Variants in NF2 observed in about 807,000 individuals in gnomAD.
NF2 encodes the protein NF2, moesin-ezrin-radixin like (MERLIN) tumor suppressor.
In NF2, 8 loss-of-function variants were observed where a neutral mutation model predicts 83.7. The observed-to-expected ratio is 0.10, with a 90% CI of 0.06 to 0.17. The LOEUF is 0.17. Among genes scored for constraint, NF2 ranks in the 10% least tolerant of loss-of-function variants. The probability of loss-of-function intolerance (pLI) is 1.00; values close to 1 mark genes in which losing one functional copy is unlikely to be tolerated. For missense variants in NF2, 533 were observed against 744.4 expected, an observed-to-expected ratio of 0.72 and a Z score of 3.31; for synonymous variants, 266 against 269.6, an observed-to-expected ratio of 0.99 and a Z score of 0.13.
In NF2 at chr22:29,668,458, C is replaced by G. The variant is rs1420943143; in HGVS notation, c.999+12C>G. Reference sequence around the variant, plus strand: ...AGGCTAGAAAGCAGGTGAGCACAACCTTGTTTTAACTGATGATGTCACTGT... The same window carrying G: ...AGGCTAGAAAGCAGGTGAGCACAACGTTGTTTTAACTGATGATGTCACTGT... On this transcript the variant is annotated intron_variant, in intron 10 of 15. Transcript: ENST00000338641. 6 of 1,585,630 alleles carry G rather than the reference C, an allele frequency of 3.8e-6. No individual in the cohort carries two copies. In the Middle Eastern group the frequency reaches 6.7e-4, roughly 177 times the overall value.
chr22:29,652,524 ACT>A (rs1188532065), intron 4 of NF2, among the ~76,000 whole-genome samples: 1 of 151,452 alleles, frequency 6.6e-6, no homozygotes, highest in African/African-American at 2.4e-5. Context: ...CTGCTCTCAA[ACT>A]CTCAACTTCA....
chr22:29,693,510 C>T lies in NF2; in HGVS notation c.1738-1242C>T, dbSNP rs1003516991. Among the ~76,000 whole-genome samples the T allele has an allele frequency of 2.0e-4, 30 of 152,146 alleles. 1 individual carries two copies. The highest frequency in any genetic ancestry group is 1.8e-3 in the Admixed American group (28 of 15,278). On this transcript the variant is annotated intron_variant, in intron 15 of 15. Coordinates refer to ENST00000338641, the MANE Select transcript of NF2 (RefSeq NM_000268.4). ...CTCCCTCCCCTGCCCTTTATGGAGC[C>T]GCCGATAGTACCGAGGACTCTTCAC...
chr22:29,676,437 A>G lies in NF2; in HGVS notation c.1446+1496A>G, dbSNP rs189101819. On this transcript the variant is annotated intron_variant, in intron 13 of 15. Coordinates refer to ENST00000338641, the MANE Select transcript of NF2 (RefSeq NM_000268.4). ...GTGATCTGCCTGCCTCAGCTTCCCA[A>G]AGTGCTGGGATTATAGGCATGAGCC... 3.3e-3 allele frequency among the ~76,000 whole-genome samples: 495 copies of G among 152,198 alleles called. 2 individuals are homozygous for G. The highest frequency in any genetic ancestry group is 7.3e-3 in the African/African-American group (303 of 41,512).
In NF2 at chr22:29,604,055, C is replaced by G. The variant is rs541641232; in HGVS notation, c.57C>G (p.Pro19=). 6 of 1,607,430 alleles carry G rather than the reference C, an allele frequency of 3.7e-6. No homozygotes were observed. In the East Asian group the frequency reaches 1.1e-4, roughly 30 times the overall value. ...MSFSSLKRKQ[P]KTFTVRIVTM... ...TCAGCTCTCTCAAGAGGAAGCAACCCAAGACGTTCACCGTGAGGATCGTCA... is the reference window on the plus strand; with the variant it reads ...TCAGCTCTCTCAAGAGGAAGCAACCGAAGACGTTCACCGTGAGGATCGTCA... Residue 19 remains proline, a synonymous_variant, in exon 1 of 16, where the codon CCC becomes CCG. Transcript: ENST00000338641.
chr22:29,683,236 C>G, intron 15 of NF2: 3 of 1,550,390 alleles, frequency 1.9e-6, no homozygotes, highest in Non-Finnish European at 2.6e-6. Flanking sequence ...GGCACCCACC[C>G]TGTGAAGCCA....
At chr22:29,637,255 G>C (rs933990003) in intron 2 of NF2, among the ~76,000 whole-genome samples, 7 of 152,182 alleles carry the variant, frequency 4.6e-5, no homozygotes, top group African/African-American at 1.7e-4. Flanking sequence ...TGGGGCTTGT[G>C]TTCTTTAGGG....
intron 15 of NF2, among the ~76,000 whole-genome samples, chr22:29,687,274 G>A (rs1250603704): frequency 4.6e-5 from 7 of 152,206 alleles, no homozygotes; most frequent in East Asian, 1.9e-4. Context: ...GGTTTGAACC[G>A]TCAAGGTCCA....
intron 13 of NF2, among the ~76,000 whole-genome samples, chr22:29,677,195 TCGCAGAAGAACCATTAGAGAAC>T (rs1416147344): frequency 6.6e-6 from 1 of 152,148 alleles, no homozygotes; most frequent in Non-Finnish European, 1.5e-5. Context: ...CAGGGTGGAA[TCGCAGAAGAACCATTAGAGAAC>T]CGTAAACACA....
intron 1 of NF2, among the ~76,000 whole-genome samples, chr22:29,627,229 G>C (rs2065389519): frequency 1.3e-5 from 2 of 152,190 alleles, no homozygotes; most frequent in Admixed American, 6.5e-5. Flanking sequence ...TCAGAGAGTG[G>C]TGTTAATCCT....
At chr22:29,656,235 G>A (rs1046636512) in intron 6 of NF2, among the ~76,000 whole-genome samples, 2 of 151,476 alleles carry the variant, frequency 1.3e-5, no homozygotes, top group African/African-American at 4.9e-5. Context: ...CTGAGCCACT[G>A]TGCCTAGCCT....
intron 4 of NF2, among the ~76,000 whole-genome samples, chr22:29,646,396 G>A (rs756820548): frequency 2.0e-5 from 3 of 152,108 alleles, no homozygotes; most frequent in Non-Finnish European, 2.9e-5. Context: ...GGAGGTCTTT[G>A]GGTAGCAACC....
chr22:29,653,634 C>T (rs1216699206), intron 4 of NF2, among the ~76,000 whole-genome samples: 1 of 152,120 alleles, frequency 6.6e-6, no homozygotes, highest in Non-Finnish European at 1.5e-5. Context: ...TCTTTCACTC[C>T]TGTGTCTGTA....
At chr22:29,668,231 C>T in intron 9 of NF2, 102 bp from the exon 10 acceptor site, 1 of 808,690 alleles carries the variant, frequency 1.2e-6, no homozygotes. Flanking sequence ...TTCACGTTTA[C>T]TGCTACCTGC....
Position 29,695,453 on chromosome 22 carries a change from G to A in NF2, c.*651G>A. 2 of 251,456 alleles carry A rather than the reference G, an allele frequency of 8.0e-6. No homozygotes were observed. Among genetic ancestry groups the A allele is most frequent in the Non-Finnish European group, 1.6e-5 (2 of 127,642 alleles). 15.6% of individuals were successfully genotyped at this position (251,456 alleles called of 1,614,324 possible). ...TGGGGAGAGACTTTAGGCAGAAGCT[G>A]TGATGCAGGCTGACTGCCAGCCGAG... On this transcript the variant is annotated 3_prime_UTR_variant, in exon 16 of 16. Coordinates refer to ENST00000338641, the MANE Select transcript of NF2 (RefSeq NM_000268.4). The surrounding 1 kb of genome is among the most constrained non-coding windows in gnomAD (Gnocchi z 5.4).
chr22:29,613,096 CA>C (rs940233394), intron 1 of NF2, among the ~76,000 whole-genome samples: 146 of 134,118 alleles, frequency 1.1e-3, no homozygotes, highest in South Asian at 1.2e-3. Flanking sequence ...AACTCCATCT[CA>C]AAAAAAAAAA....
intron 1 of NF2, among the ~76,000 whole-genome samples, chr22:29,610,103 C>T (rs2064909975): frequency 2.6e-5 from 4 of 151,698 alleles, no homozygotes; most frequent in Admixed American, 1.3e-4. Context: ...TTTGGGAGGT[C>T]AAGGCAGGAG....
chr22:29,664,574 C>A (rs2066565222), intron 8 of NF2, among the ~76,000 whole-genome samples: 1 of 152,166 alleles, frequency 6.6e-6, no homozygotes, highest in Non-Finnish European at 1.5e-5. Flanking sequence ...TTGTACCACC[C>A]AGTGAAGCAC....
Position 29,636,365 on chromosome 22 carries a change from A to G in NF2, c.115-386A>G, listed in dbSNP as rs951545728. Among the ~76,000 whole-genome samples the G allele has an allele frequency of 6.6e-6, 1 of 152,222 alleles. No homozygotes were observed. The highest frequency in any genetic ancestry group is 2.4e-5 in the African/African-American group (1 of 41,460). On this transcript the variant is annotated intron_variant, in intron 1 of 15. Transcript: ENST00000338641. This position sits in a 1 kb window ranked among gnomAD's most constrained non-coding sequence, Gnocchi z 4.4. ...GGCAAAGTAATGATTTAAAAAAAAA[A>G]TCAACAACAAAATTTCAAGGGAATG...
chr22:29,652,664 G>T (rs1016067762), intron 4 of NF2, among the ~76,000 whole-genome samples: 11 of 152,162 alleles, frequency 7.2e-5, no homozygotes, highest in African/African-American at 2.7e-4. Flanking sequence ...AGTCCTGCAA[G>T]ATAAATACTA....
Sources: gnomAD v4.1 joint callset for allele counts (sites outside exome capture counted in the v4.1 genomes callset) on GRCh38, gnomAD v4.1.1 for gene constraint, Gnocchi (gnomAD v3.1) non-coding constraint, MANE v1.5 for transcripts, NCBI Gene and HGNC (gene_info 2026-07-23, HGNC 2026-07-21) for gene names.